AAK1: variants seen among roughly 807,000 people sequenced by gnomAD.
AAK1 encodes AP2-associated protein kinase 1.
AAK1 carries 37 observed loss-of-function variants against 116.0 expected under a neutral mutation model. The observed-to-expected ratio is 0.32, with a 90% CI of 0.25 to 0.42. The LOEUF is 0.42. Among genes scored for constraint, AAK1 ranks in the 10% least tolerant of loss-of-function variants. AAK1 has a pLI of 1.00. For missense variants in AAK1, 919 were observed against 1,170.6 expected (o/e 0.79, Z 3.14); for synonymous variants, 458 against 439.9 (o/e 1.04, Z -0.51).
chr2:69,548,323 A>G (rs1015285201), intron 3 of AAK1, among the ~76,000 whole-genome samples: 1 of 106,720 alleles, frequency 9.4e-6, no homozygotes, highest in African/African-American at 4.7e-5. Flanking sequence ...GGAGAAAAGC[A>G]TAAGGAAAAA....
intron 2 of AAK1, among the ~76,000 whole-genome samples, chr2:69,591,478 G>A (rs570083852): frequency 2.3e-4 from 35 of 151,962 alleles, no homozygotes; most frequent in African/African-American, 8.2e-4. Flanking sequence ...TAGAGCCAAC[G>A]GGGTTAAAGT....
At chr2:69,607,581 C>T (rs1262179181) in intron 2 of AAK1, among the ~76,000 whole-genome samples, 2 of 152,282 alleles carry the variant, frequency 1.3e-5, no homozygotes, top group Admixed American at 1.3e-4. Context: ...GATACAAAAT[C>T]TATTAAACAT....
intron 2 of AAK1, among the ~76,000 whole-genome samples, chr2:69,600,295 T>G (rs1026402142): frequency 4.7e-5 from 7 of 150,406 alleles, no homozygotes; most frequent in African/African-American, 1.2e-4. Context: ...TCTCAGTTTT[T>G]TTTTTTTTTT....
chr2:69,547,579 C>G (rs757959431), intron 3 of AAK1, among the ~76,000 whole-genome samples: 1 of 152,140 alleles, frequency 6.6e-6, no homozygotes, highest in African/African-American at 2.4e-5. Flanking sequence ...TTCACACCCA[C>G]TAAGATGGCT....
At chr2:69,500,696 TATACACAC>T (rs1345951085) in intron 16 of AAK1, among the ~76,000 whole-genome samples, 2 of 99,400 alleles carry the variant, frequency 2.0e-5, no homozygotes, top group African/African-American at 5.2e-5. Flanking sequence ...TATATATATA[TATACACAC>T]ACACACACAC....
chr2:69,608,449 T>C (rs1673913008), intron 2 of AAK1, among the ~76,000 whole-genome samples: 1 of 152,238 alleles, frequency 6.6e-6, no homozygotes. Flanking sequence ...CATGAGATTA[T>C]GGTGATGGCT....
intron 18 of AAK1, chr2:69,481,899 T>TG (rs1380423965): frequency 6.6e-6 from 1 of 152,204 alleles, no homozygotes; most frequent in Non-Finnish European, 1.5e-5. Context: ...TCAAACCCCC[T>TG]GGCTCAAAGT....
At chr2:69,563,292 T>G (rs183924785) in intron 2 of AAK1, among the ~76,000 whole-genome samples, 211 of 151,954 alleles carry the variant, frequency 1.4e-3, no homozygotes, top group East Asian at 4.3e-3. Flanking sequence ...GAAGGGAAGG[T>G]AAGGTGAGCA....
intron 15 of AAK1, among the ~76,000 whole-genome samples, chr2:69,505,881 G>A (rs1013466280): frequency 6.6e-6 from 1 of 152,230 alleles, no homozygotes; most frequent in Admixed American, 6.5e-5. Flanking sequence ...AGAATCAAAA[G>A]AGAGCATGTC....
chr2:69,504,899 C>A (rs1676119534), intron 16 of AAK1, among the ~76,000 whole-genome samples: 1 of 152,176 alleles, frequency 6.6e-6, no homozygotes, highest in African/African-American at 2.4e-5. Flanking sequence ...CCTAGACTAT[C>A]TCTTGGTCGT....
At chr2:69,486,715 G>A (rs1675315247) in intron 17 of AAK1, among the ~76,000 whole-genome samples, 1 of 152,112 alleles carries the variant, frequency 6.6e-6, no homozygotes, top group African/African-American at 2.4e-5. Flanking sequence ...AAACCCCTGG[G>A]TTTGGGAATA....
intron 2 of AAK1, among the ~76,000 whole-genome samples, chr2:69,615,870 C>T (rs761892298): frequency 1.3e-5 from 2 of 152,142 alleles, no homozygotes; most frequent in Non-Finnish European, 2.9e-5. Flanking sequence ...TGACATGGGG[C>T]TTAAAATGTG....
intron 2 of AAK1, among the ~76,000 whole-genome samples, chr2:69,578,260 C>T (rs1672395904): frequency 6.6e-6 from 1 of 152,176 alleles, no homozygotes; most frequent in Admixed American, 6.5e-5. Context: ...TAGAAAGATG[C>T]CTTTAGGCTT....
intron 2 of AAK1, among the ~76,000 whole-genome samples, chr2:69,562,827 T>A (rs535615519): frequency 6.6e-6 from 1 of 152,082 alleles, no homozygotes; most frequent in Non-Finnish European, 1.5e-5. Flanking sequence ...GAGGCGGAGG[T>A]TGCAGTGAGC....
At chr2:69,542,702 A>C (rs945547215) in intron 4 of AAK1, 37 bp from the exon 5 acceptor site, 1 of 1,605,728 alleles carries the variant, frequency 6.2e-7, no homozygotes, top group Admixed American at 1.7e-5. Context: ...AGACGTTATA[A>C]ACATTCGGAC....
At position 69,472,967 on chromosome 2, in the gene AAK1, C is replaced by T. The variant is rs1399705269; in HGVS notation, c.*2902G>A. The stretch of plus-strand genomic sequence containing the variant: ...TTCTTTAAAATGTAAACACTGCTAC[C>T]GTAATAGCAGGAACTACAGAAGATA... On this transcript the variant is annotated 3_prime_UTR_variant, in exon 22 of 22. Coordinates refer to ENST00000409085, the MANE Select transcript of AAK1 (RefSeq NM_014911.5). 10 of 984,888 alleles carry T rather than the reference C, an allele frequency of 1.0e-5. No homozygotes were observed. The South Asian group carries it at 1.9e-4, about 19-fold the overall frequency. 61.0% of individuals were successfully genotyped at this position (984,888 alleles called of 1,614,324 possible).
chr2:69,545,190 T>C (rs1241479308), intron 3 of AAK1, among the ~76,000 whole-genome samples: 1 of 152,196 alleles, frequency 6.6e-6, no homozygotes, highest in Non-Finnish European at 1.5e-5. Context: ...TTAGGGCTGC[T>C]TGGATGAATT....
intron 2 of AAK1, among the ~76,000 whole-genome samples, chr2:69,622,186 G>A (rs964674697): frequency 7.2e-5 from 11 of 152,202 alleles, no homozygotes; most frequent in Non-Finnish European, 1.5e-4. Flanking sequence ...AGCAGACAGC[G>A]GGCCCCAGGC....
chr2:69,554,096 T>C (rs1671295493), intron 3 of AAK1, among the ~76,000 whole-genome samples: 1 of 150,428 alleles, frequency 6.6e-6, no homozygotes, highest in Non-Finnish European at 1.5e-5. Context: ...AAAAAGATAC[T>C]GGAGGATCGG....
Sources: gnomAD v4.1 joint callset for allele counts (sites outside exome capture counted in the v4.1 genomes callset) on GRCh38, gnomAD v4.1.1 for gene constraint, MANE v1.5 for transcripts, NCBI Gene and HGNC (gene_info 2026-07-23, HGNC 2026-07-21) for gene names.